The following AFF4 variants were observed in gnomAD, a reference collection of about 807,000 sequenced individuals.
AFF4 encodes the protein AF4/FMR2 family member 4.
Under a neutral mutation model 124.8 loss-of-function variants are expected in AFF4, and 13 were observed. The ratio of observed to expected loss-of-function variants is 0.10; its 90% confidence interval spans 0.07 to 0.17. AFF4 has a LOEUF of 0.17. Ranked by LOEUF, AFF4 falls within the 10% of genes least tolerant of loss-of-function variation. The probability of loss-of-function intolerance (pLI) is 1.00; values close to 1 mark genes in which losing one functional copy is unlikely to be tolerated. For synonymous variants in AFF4, 477 were observed against 496.1 expected (o/e 0.96, Z 0.51); for missense variants, 1,092 against 1,403.8 (o/e 0.78, Z 3.55).
intron 14 of AFF4, among the ~76,000 whole-genome samples, chr5:132,888,696 G>A (rs1760179152): frequency 6.6e-6 from 1 of 152,142 alleles, no homozygotes; most frequent in African/African-American, 2.4e-5. Flanking sequence ...TCTGATCAAT[G>A]ATAGATTTTT....
rs563252199 is a variant in AFF4 at position 132,903,564 on chromosome 5, A to G, written c.1087+804T>C. The stretch of plus-strand genomic sequence containing the variant: ...TACACAACCACAATCTCTTGGGACC[A>G]TAAGACTATCTTCCCTAGAATTCTT... On this transcript the variant is annotated intron_variant, in intron 6 of 20. Transcript: ENST00000265343. Among the ~76,000 whole-genome samples, 4 of 152,338 alleles carry G rather than the reference A, an allele frequency of 2.6e-5. No individual in the cohort carries two copies. In the East Asian group the frequency reaches 5.8e-4, roughly 22 times the overall value.
chr5:132,920,309 C>CA lies in AFF4; in HGVS notation c.1050+6811dup, dbSNP rs1761012839. Among the ~76,000 whole-genome samples, 3 of 151,706 alleles carry CA rather than the reference C, an allele frequency of 2.0e-5. No individual in the cohort carries two copies. In the South Asian group the frequency reaches 6.2e-4, roughly 32 times the overall value. On this transcript the variant is annotated intron_variant, in intron 5 of 20. Transcript: ENST00000265343. Reference sequence around the variant, plus strand: ...AAGTGATCTGCCCACCTCAGCCTCCCAAAGTGCTGGGATTACAGGTGTGAG... The same window carrying CA: ...AAGTGATCTGCCCACCTCAGCCTCCCAAAAGTGCTGGGATTACAGGTGTGAG...
chr5:132,879,114 G>GT lies in AFF4; in HGVS notation c.*1944dup, dbSNP rs1759909679. 2 of 220,328 alleles carry GT rather than the reference G, an allele frequency of 9.1e-6. No individual in the cohort carries two copies. The highest frequency in any genetic ancestry group is 2.2e-5 in the African/African-American group (1 of 44,616). 13.6% of individuals were successfully genotyped at this position (220,328 alleles called of 1,614,324 possible). On this transcript the variant is annotated 3_prime_UTR_variant, in exon 21 of 21. Transcript: ENST00000265343. ...GAGGCAATTTCTCCAAGAGAAACAG[G>GT]TTAAATTCAACATAATTTGTACATC... is the stretch of plus-strand genomic sequence containing the variant.
In AFF4 at chr5:132,893,137, C is replaced by T. The variant is rs1213224607; in HGVS notation, c.2308-19G>A. ...CTTCATTCTAGATGAAAAATAGAAA[C>T]CGTGGTCTGATTTTTATTCAACTAA... On this transcript the variant is annotated intron_variant, in intron 11 of 20. Coordinates refer to ENST00000265343, the MANE Select transcript of AFF4 (RefSeq NM_014423.4). 5.0e-6 allele frequency: 8 copies of T among 1,609,352 alleles called. No homozygotes were observed. Among genetic ancestry groups the T allele is most frequent in the Admixed American group, 1.7e-5 (1 of 59,958 alleles).
intron 5 of AFF4, among the ~76,000 whole-genome samples, chr5:132,909,141 T>G (rs1760736759): frequency 6.6e-6 from 1 of 150,648 alleles, no homozygotes; most frequent in African/African-American, 2.4e-5. Flanking sequence ...TTTTTTTTTT[T>G]TGAGATGGAG....
intron 1 of AFF4, among the ~76,000 whole-genome samples, chr5:132,950,175 C>T (rs951794676): frequency 1.8e-4 from 27 of 151,946 alleles, no homozygotes; most frequent in African/African-American, 6.5e-4. Context: ...ACTAAAAATA[C>T]AAAAAATAAG....
In AFF4 at chr5:132,878,738, A is replaced by T. The variant is rs550176448; in HGVS notation, c.*2321T>A. On this transcript the variant is annotated 3_prime_UTR_variant, in exon 21 of 21. Transcript: ENST00000265343. ...AGTTTTAAAGAGAAAATATTAGAGC[A>T]GCACCATAAACCATGCAGGAAACTC... is the stretch of plus-strand genomic sequence containing the variant. The T allele has an allele frequency of 4.4e-6, 1 of 225,248 alleles. No individual in the cohort carries two copies. The highest frequency in any genetic ancestry group is 1.8e-4 in the South Asian group (1 of 5,480). 14.0% of individuals were successfully genotyped at this position (225,248 alleles called of 1,614,324 possible).
intron 1 of AFF4, chr5:132,937,828 T>A (rs1321778462): frequency 6.6e-6 from 1 of 152,162 alleles, no homozygotes; most frequent in Non-Finnish European, 1.5e-5. Flanking sequence ...AGTGATAGAA[T>A]CAAAAATTAA....
chr5:132,896,771 G>T lies in AFF4; in HGVS notation c.1859C>A (p.Ser620Tyr), dbSNP rs1208947343. 1 of 1,614,140 alleles carries T rather than the reference G, an allele frequency of 6.2e-7. No homozygotes were observed. Among genetic ancestry groups the T allele is most frequent in the South Asian group, 1.1e-5 (1 of 91,078 alleles). Reference sequence around the variant, plus strand: ...CTTTTTCTCTGCTGTAGGTCGAGGGGAAGACTTAGACTCCTTCTTTATATT... The same window carrying T: ...CTTTTTCTCTGCTGTAGGTCGAGGGTAAGACTTAGACTCCTTCTTTATATT... ...KPNIKKESKS[S>Y]PRPTAEKKKY... is the part of the protein sequence containing the mutation. Residue 620 changes from serine to tyrosine, a missense_variant, in exon 11 of 21, where the codon TCC becomes TAC. Transcript: ENST00000265343.
At chr5:132,918,535 GC>G (rs1169246180) in intron 5 of AFF4, among the ~76,000 whole-genome samples, 3 of 151,940 alleles carry the variant, frequency 2.0e-5, no homozygotes, top group African/African-American at 7.3e-5. Flanking sequence ...CATGGTGGGC[GC>G]CTGTAATCCC....
At chr5:132,962,696 G>GT (rs995435020) in intron 1 of AFF4, among the ~76,000 whole-genome samples, 22 of 151,922 alleles carry the variant, frequency 1.4e-4, no homozygotes, top group African/African-American at 5.1e-4. Context: ...GGATAACTAG[G>GT]TAACAGACCG....
chr5:132,895,414 T>A (rs187719601), intron 11 of AFF4, among the ~76,000 whole-genome samples: 22 of 152,362 alleles, frequency 1.4e-4, no homozygotes, highest in African/African-American at 5.3e-4. Context: ...GAAAGTGCTC[T>A]ATTCTCCCTG....
intron 6 of AFF4, among the ~76,000 whole-genome samples, chr5:132,903,288 G>A (rs1269382261): frequency 1.3e-5 from 2 of 152,144 alleles, no homozygotes; most frequent in Admixed American, 1.3e-4. Context: ...CTAAGAAATT[G>A]ATAGACAGAT....
At chr5:132,937,760 C>G (rs1761466647) in intron 1 of AFF4, 1 of 152,164 alleles carries the variant, frequency 6.6e-6, no homozygotes, top group African/African-American at 2.4e-5. Context: ...GACATTTCTG[C>G]TCTAAATATA....
chr5:132,937,335 G>A lies in AFF4; in HGVS notation c.-4-142C>T, dbSNP rs192673917. 9.8e-4 allele frequency: 1,018 copies of A among 1,038,846 alleles called. 4 individuals carry two copies. Among genetic ancestry groups the A allele is most frequent in the Admixed American group, 5.1e-3 (168 of 32,846 alleles). 64.4% of individuals were successfully genotyped at this position (1,038,846 alleles called of 1,614,324 possible). On this transcript the variant is annotated intron_variant, in intron 1 of 20. Transcript: ENST00000265343. ...TAACAGGCATTAGTGCTGAAGCTGGGTTTTGGTAATGGTTTTATCAACAAA... is the reference window on the plus strand; with the variant it reads ...TAACAGGCATTAGTGCTGAAGCTGGATTTTGGTAATGGTTTTATCAACAAA...
chr5:132,955,854 A>G (rs1761945353), intron 1 of AFF4, among the ~76,000 whole-genome samples: 2 of 147,016 alleles, frequency 1.4e-5, no homozygotes, highest in Admixed American at 1.4e-4. Context: ...CATGTATTAC[A>G]TAGATTATAT....
intron 1 of AFF4, among the ~76,000 whole-genome samples, chr5:132,942,460 C>CTTTT (rs35994411): frequency 7.5e-6 from 1 of 134,102 alleles, no homozygotes; most frequent in African/African-American, 2.7e-5. Flanking sequence ...TCCTTTTGAC[C>CTTTT]TTTTTTTTTT....
chr5:132,900,501 A>C (rs888390655), intron 7 of AFF4, among the ~76,000 whole-genome samples: 1 of 152,140 alleles, frequency 6.6e-6, no homozygotes, highest in Non-Finnish European at 1.5e-5. Context: ...TGGAGGTTGC[A>C]GTGAGCCGAC....
At chr5:132,907,379 C>A (rs1370845024) in intron 5 of AFF4, among the ~76,000 whole-genome samples, 4 of 152,116 alleles carry the variant, frequency 2.6e-5, no homozygotes, top group Non-Finnish European at 5.9e-5. Flanking sequence ...AACTCTCTGG[C>A]AACACACTTA....
Sources: gnomAD v4.1 joint callset for allele counts (sites outside exome capture counted in the v4.1 genomes callset) on GRCh38, gnomAD v4.1.1 for gene constraint, MANE v1.5 for transcripts, NCBI Gene and HGNC (gene_info 2026-07-23, HGNC 2026-07-21) for gene names.